SUGCT: variants seen among roughly 807,000 people sequenced by gnomAD.
SUGCT encodes succinyl-CoA:glutarate-CoA transferase.
SUGCT carries 41 observed loss-of-function variants against 55.0 expected under a neutral mutation model. That is an observed-to-expected ratio of 0.74 (90% confidence interval 0.58 to 0.97). The LOEUF (loss-of-function observed/expected upper bound fraction) is 0.97, where lower values mean the gene tolerates loss of function less well. Among genes scored for constraint, SUGCT ranks in the 50% least tolerant of loss-of-function variants. The pLI is 0.00. For synonymous variants in SUGCT, 187 were observed against 200.4 expected (o/e 0.93, Z 0.56); for missense variants, 568 against 547.8 (o/e 1.04, Z -0.37).
At chr7:40,368,429 C>T (rs1360154272) in intron 9 of SUGCT, among the ~76,000 whole-genome samples, 1 of 152,012 alleles carries the variant, frequency 6.6e-6, no homozygotes, top group Non-Finnish European at 1.5e-5. Context: ...GAACTTTTGA[C>T]CTTGTGATCC....
the SUGCT span, among the ~76,000 whole-genome samples, chr7:41,013,827 T>A: frequency 6.6e-6 from 1 of 152,060 alleles, no homozygotes; most frequent in Admixed American, 6.6e-5. Flanking sequence ...CCCTAATCTC[T>A]CATGACAATA....
At chr7:40,150,167 A>C (rs544726576) in intron 1 of SUGCT, among the ~76,000 whole-genome samples, 29 of 152,334 alleles carry the variant, frequency 1.9e-4, no homozygotes, top group Admixed American at 1.5e-3. Flanking sequence ...TACTCCTAAG[A>C]TCAGTGCTTG....
intron 9 of SUGCT, among the ~76,000 whole-genome samples, chr7:40,390,006 T>G (rs1785336153): frequency 6.6e-6 from 1 of 152,062 alleles, no homozygotes; most frequent in African/African-American, 2.4e-5. Flanking sequence ...AAGTAATCCA[T>G]CATATAAACA....
At chr7:40,252,206 C>T (rs1385610441) in intron 7 of SUGCT, among the ~76,000 whole-genome samples, 1 of 152,142 alleles carries the variant, frequency 6.6e-6, no homozygotes, top group Non-Finnish European at 1.5e-5. Context: ...ACAGTCACTG[C>T]AGCGTCGAGC....
chr7:40,205,901 A>G (rs1786950698), intron 6 of SUGCT, among the ~76,000 whole-genome samples: 1 of 152,198 alleles, frequency 6.6e-6, no homozygotes, highest in Non-Finnish European at 1.5e-5. Flanking sequence ...GCCTGGGCCT[A>G]GAAATACAGT....
chr7:40,322,171 C>T (rs1795790286), intron 9 of SUGCT, among the ~76,000 whole-genome samples: 1 of 152,064 alleles, frequency 6.6e-6, no homozygotes, highest in African/African-American at 2.4e-5. Context: ...CCTTTCTAAC[C>T]ATATCCTTTG....
chr7:40,472,219 G>A (rs1790437563), intron 11 of SUGCT, among the ~76,000 whole-genome samples: 1 of 152,136 alleles, frequency 6.6e-6, no homozygotes, highest in Middle Eastern at 3.4e-3. Flanking sequence ...GAGGAATCAA[G>A]ATAAAGACAA....
At chr7:40,318,865 T>A (rs1193275279) in intron 9 of SUGCT, among the ~76,000 whole-genome samples, 1 of 152,246 alleles carries the variant, frequency 6.6e-6, no homozygotes, top group East Asian at 1.9e-4. Flanking sequence ...GTTTATTTTT[T>A]GCTCATTTAA....
Position 40,274,502 on chromosome 7 carries a change from C to T in SUGCT, c.577-11C>T. 1.2e-6 allele frequency: 2 copies of T among 1,608,328 alleles called. No homozygotes were observed. On this transcript the variant is annotated splice_polypyrimidine_tract_variant and intron_variant, in intron 7 of 13. Coordinates refer to ENST00000335693, the MANE Select transcript of SUGCT (RefSeq NM_001193313.2). ...ATTATTTCTTCTTTCTCAACCCAAC[C>T]TTCAAATCAGAATGGAGATCCAGTT...
At chr7:40,688,929 CA>C (rs1471422888) in intron 12 of SUGCT, among the ~76,000 whole-genome samples, 1 of 152,036 alleles carries the variant, frequency 6.6e-6, no homozygotes, top group African/African-American at 2.4e-5. Flanking sequence ...ATCTTTACCC[CA>C]TCACACTACT....
chr7:40,266,552 C>G (rs977061775), intron 7 of SUGCT, among the ~76,000 whole-genome samples: 2 of 152,146 alleles, frequency 1.3e-5, no homozygotes, highest in Non-Finnish European at 2.9e-5. Flanking sequence ...GAGCTATGAT[C>G]AAAACTAAGA....
chr7:40,521,826 A>G (rs1328703195), intron 12 of SUGCT, among the ~76,000 whole-genome samples: 1 of 152,092 alleles, frequency 6.6e-6, no homozygotes, highest in Non-Finnish European at 1.5e-5. Context: ...CATTTGCGCT[A>G]ATAATAGTTG....
chr7:40,846,213 GA>G (rs1793548057), intron 13 of SUGCT, among the ~76,000 whole-genome samples: 1 of 152,148 alleles, frequency 6.6e-6, no homozygotes, highest in East Asian at 1.9e-4. Context: ...AAAGTCTTGG[GA>G]ATGCGCCCAA....
the SUGCT span, among the ~76,000 whole-genome samples, chr7:40,944,581 A>G: frequency 6.6e-6 from 1 of 152,274 alleles, no homozygotes; most frequent in African/African-American, 2.4e-5. Flanking sequence ...GTCAAAGATC[A>G]GATAGTTGTA....
At chr7:40,554,164 A>G (rs1453291754) in intron 12 of SUGCT, among the ~76,000 whole-genome samples, 1 of 152,234 alleles carries the variant, frequency 6.6e-6, no homozygotes, top group East Asian at 1.9e-4. Flanking sequence ...TAAGTGGCAT[A>G]GTGCCCGACA....
intron 12 of SUGCT, among the ~76,000 whole-genome samples, chr7:40,684,729 T>C (rs193134838): frequency 6.6e-6 from 1 of 152,302 alleles, no homozygotes; most frequent in Admixed American, 6.5e-5. Flanking sequence ...CCCAATATAA[T>C]CTTATATCAC....
chr7:40,888,436 T>A, the SUGCT span, among the ~76,000 whole-genome samples: 1 of 145,842 alleles, frequency 6.9e-6, no homozygotes. Context: ...GGCGACAGAG[T>A]GAGACTCCAT....
intron 9 of SUGCT, among the ~76,000 whole-genome samples, chr7:40,418,014 G>A (rs1421190575): frequency 6.6e-6 from 1 of 152,142 alleles, no homozygotes; most frequent in East Asian, 1.9e-4. Flanking sequence ...AGCTTCATGT[G>A]ATGTCAGCTG....
At chr7:40,257,200 C>T (rs1210813848) in intron 7 of SUGCT, among the ~76,000 whole-genome samples, 2 of 152,138 alleles carry the variant, frequency 1.3e-5, no homozygotes, top group Non-Finnish European at 1.5e-5. Flanking sequence ...TGTGCCACCA[C>T]ACTTGGCAAA....
Sources: gnomAD v4.1 joint callset for allele counts (sites outside exome capture counted in the v4.1 genomes callset) on GRCh38, gnomAD v4.1.1 for gene constraint, MANE v1.5 for transcripts, NCBI Gene and HGNC (gene_info 2026-07-23, HGNC 2026-07-21) for gene names.